ARHGEF10: variants seen among roughly 807,000 people sequenced by gnomAD.
ARHGEF10 encodes the protein Rho guanine nucleotide exchange factor 10.
Under a neutral mutation model 147.4 loss-of-function variants are expected in ARHGEF10, and 140 were observed. The ratio of observed to expected loss-of-function variants is 0.95; its 90% CI spans 0.83 to 1.09. ARHGEF10 has a LOEUF of 1.09. ARHGEF10 is among the 50% of genes least tolerant of loss of function. ARHGEF10 has a pLI of 0.00. For missense variants in ARHGEF10, 2,222 were observed against 1,752.7 expected (o/e 1.27, Z -4.78); for synonymous variants, 902 against 695.8 (o/e 1.30, Z -4.67).
intron 1 of ARHGEF10, among the ~76,000 whole-genome samples, chr8:1,835,072 C>T (rs899796297): frequency 2.6e-5 from 4 of 152,232 alleles, no homozygotes; most frequent in Admixed American, 6.5e-5. Flanking sequence ...GCCCCCGGCC[C>T]GTGTCTGCCA....
chr8:1,865,141 T>C (rs544807096), intron 5 of ARHGEF10, among the ~76,000 whole-genome samples: 3 of 152,242 alleles, frequency 2.0e-5, no homozygotes, highest in Non-Finnish European at 4.4e-5. Flanking sequence ...TTAGGTAACT[T>C]TTTGTTTTGA....
intron 8 of ARHGEF10, among the ~76,000 whole-genome samples, chr8:1,879,262 G>T (rs567258968): frequency 3.3e-4 from 51 of 152,260 alleles, no homozygotes; most frequent in African/African-American, 1.2e-3. Flanking sequence ...CAGTTAGAGA[G>T]AAAGTGATCT....
intron 7 of ARHGEF10, among the ~76,000 whole-genome samples, chr8:1,872,063 G>C (rs1301232745): frequency 6.6e-6 from 1 of 151,900 alleles, no homozygotes; most frequent in African/African-American, 2.4e-5. Flanking sequence ...GGAGAGGGAT[G>C]GAAGAAGGAA....
chr8:1,916,302 A>G (rs1238062177), intron 18 of ARHGEF10, among the ~76,000 whole-genome samples: 3 of 152,250 alleles, frequency 2.0e-5, no homozygotes, highest in African/African-American at 7.2e-5. Context: ...CCTACTACAC[A>G]TGGACACATA....
At chr8:1,935,128 A>G (rs1338625991) in intron 26 of ARHGEF10, among the ~76,000 whole-genome samples, 1 of 152,150 alleles carries the variant, frequency 6.6e-6, no homozygotes, top group Non-Finnish European at 1.5e-5. Flanking sequence ...AATAAACTTT[A>G]TTTTTAGAGC....
intron 1 of ARHGEF10, among the ~76,000 whole-genome samples, chr8:1,837,567 C>G (rs923256005): frequency 6.6e-6 from 1 of 152,174 alleles, no homozygotes; most frequent in Non-Finnish European, 1.5e-5. Flanking sequence ...ACAGAATTCT[C>G]GGAAGACACA....
rs1221190200 is a variant in ARHGEF10 at position 1,948,388 on chromosome 8, G to T, written c.3397+2733G>T. ...GTCCAGATGGAGTGCCGTGCTTCTC[G>T]TTGGCAGGTTTCTCCGGCATTTCGG... On this transcript the variant is annotated intron_variant, in intron 27 of 28. Transcript: ENST00000349830. This position sits in a 1 kb window ranked among gnomAD's most constrained non-coding sequence, Gnocchi z 4.9. Among the ~76,000 whole-genome samples the T allele has an allele frequency of 6.6e-6, 1 of 152,156 alleles. No homozygotes were observed. The highest frequency in any genetic ancestry group is 2.1e-4 in the South Asian group (1 of 4,824).
chr8:1,888,596 T>A (rs1281805013), intron 11 of ARHGEF10, among the ~76,000 whole-genome samples: 62 of 98,136 alleles, frequency 6.3e-4, no homozygotes, highest in Admixed American at 1.3e-3. Context: ...GTCTGTGAGG[T>A]GTCACTGAGT....
chr8:1,861,645 C>G (rs1273905556), intron 4 of ARHGEF10, among the ~76,000 whole-genome samples: 1 of 152,104 alleles, frequency 6.6e-6, no homozygotes, highest in Non-Finnish European at 1.5e-5. Context: ...AAAAAAAATC[C>G]TTAAAGAAAA....
At chr8:1,852,560 C>T (rs554148503) in intron 2 of ARHGEF10, among the ~76,000 whole-genome samples, 1 of 152,304 alleles carries the variant, frequency 6.6e-6, no homozygotes, top group South Asian at 2.1e-4. Context: ...AACCCGGGAG[C>T]AGCACCTTTT....
At chr8:1,928,332 C>A in intron 23 of ARHGEF10, 95 bp from the exon 24 acceptor site, 2 of 1,110,760 alleles carry the variant, frequency 1.8e-6, no homozygotes, top group African/African-American at 1.5e-5. Context: ...ACATGAAAAT[C>A]GAAGCTTGTC....
intron 4 of ARHGEF10, among the ~76,000 whole-genome samples, chr8:1,863,429 T>C (rs1806316547): frequency 6.6e-6 from 1 of 152,178 alleles, no homozygotes; most frequent in African/African-American, 2.4e-5. Flanking sequence ...TTGAAAACGG[T>C]TGAGAACTGT....
At chr8:1,951,951 C>T (rs1169925286) in intron 27 of ARHGEF10, among the ~76,000 whole-genome samples, 4 of 152,216 alleles carry the variant, frequency 2.6e-5, no homozygotes, top group Admixed American at 2.0e-4. Flanking sequence ...CTGTAACCGC[C>T]GTGAGGCGGG....
At chr8:1,901,389 G>C (rs1007959084) in intron 15 of ARHGEF10, among the ~76,000 whole-genome samples, 13 of 152,116 alleles carry the variant, frequency 8.5e-5, no homozygotes, top group African/African-American at 3.1e-4. Context: ...TCTAAGACAG[G>C]TGCTGTGAAG....
rs151080025 is a variant in ARHGEF10 at position 1,860,104 on chromosome 8, C to T, written c.401C>T (p.Ala134Val). ...GYLVPVPCGY[A>V]VPSNLPLLLP... Reference sequence around the variant, plus strand: ...TTGGTGCCTGTACCCTGCGGCTATGCGGTGCCCTCCAACCTGCCCCTCCTG... The same window carrying T: ...TTGGTGCCTGTACCCTGCGGCTATGTGGTGCCCTCCAACCTGCCCCTCCTG... Residue 134 changes from alanine (A) to valine (V), a missense_variant, in exon 4 of 29, where the codon GCG becomes GTG. Transcript: ENST00000349830. The T allele has an allele frequency of 9.4e-4, 1,523 of 1,613,906 alleles. 2 individuals are homozygous for T. Among genetic ancestry groups the T allele is most frequent in the Non-Finnish European group, 1.2e-3 (1,360 of 1,180,008 alleles).
chr8:1,870,581 A>T (rs1293045757), intron 7 of ARHGEF10: 2 of 152,206 alleles, frequency 1.3e-5, no homozygotes, highest in Non-Finnish European at 2.9e-5. Flanking sequence ...AATATAATGC[A>T]AATTCTAACC....
chr8:1,913,853 A>T (rs1271887552), intron 18 of ARHGEF10, among the ~76,000 whole-genome samples: 1 of 152,248 alleles, frequency 6.6e-6, no homozygotes, highest in Non-Finnish European at 1.5e-5. Flanking sequence ...AGACACAGTC[A>T]TTATGAACAG....
intron 15 of ARHGEF10, among the ~76,000 whole-genome samples, chr8:1,899,443 C>T (rs1016388313): frequency 7.9e-5 from 12 of 152,214 alleles, no homozygotes; most frequent in East Asian, 1.9e-4. Context: ...GTGGAGTCAT[C>T]GCCAGAAATG....
chr8:1,918,460 C>CTGTGTG (rs60519090), intron 18 of ARHGEF10, among the ~76,000 whole-genome samples: 2,191 of 140,914 alleles, frequency 0.016, 24 homozygotes, highest in African/African-American at 0.034. Flanking sequence ...CATTTGATGG[C>CTGTGTG]TGTGTGTGTG....
Sources: gnomAD v4.1 joint callset for allele counts (sites outside exome capture counted in the v4.1 genomes callset) on GRCh38, gnomAD v4.1.1 for gene constraint, Gnocchi (gnomAD v3.1) non-coding constraint, MANE v1.5 for transcripts, NCBI Gene and HGNC (gene_info 2026-07-23, HGNC 2026-07-21) for gene names.